The following ABCA13 variants were observed in gnomAD, a reference collection of about 807,000 sequenced individuals.
The protein encoded by ABCA13 is ATP-binding cassette sub-family A member 13.
In ABCA13, 476 loss-of-function variants were observed where a neutral mutation model predicts 478.7. The observed-to-expected ratio is 0.99, with a 90% CI of 0.92 to 1.07. ABCA13 has a LOEUF of 1.07. Ranked by LOEUF, ABCA13 falls within the 50% of genes least tolerant of loss-of-function variation. The pLI is 0.00. For synonymous variants in ABCA13, 2,252 were observed against 2,158.9 expected, an observed-to-expected ratio of 1.04 and a Z score of -1.20; for missense variants, 6,060 against 5,910.6, an observed-to-expected ratio of 1.03 and a Z score of -0.83.
At chr7:48,644,141 T>C (rs937460609) in intron 60 of ABCA13, among the ~76,000 whole-genome samples, 3 of 152,208 alleles carry the variant, frequency 2.0e-5, no homozygotes, top group East Asian at 3.9e-4. Flanking sequence ...ATTATGACTC[T>C]GAGTCACCCT....
chr7:48,524,080 G>C (rs550492605), intron 53 of ABCA13, among the ~76,000 whole-genome samples, 168 bp from the exon 54 acceptor site: 5 of 152,146 alleles, frequency 3.3e-5, no homozygotes, highest in Admixed American at 1.3e-4. Context: ...ATGGATTCTT[G>C]CCTGATAATC....
chr7:48,419,186 C>A (rs1820416105), intron 41 of ABCA13, among the ~76,000 whole-genome samples: 1 of 152,184 alleles, frequency 6.6e-6, no homozygotes, highest in Non-Finnish European at 1.5e-5. Context: ...TCCCACCAGG[C>A]CCTACCTTGG....
At chr7:48,523,776 G>A (rs1832713233) in intron 53 of ABCA13, among the ~76,000 whole-genome samples, 1 of 152,022 alleles carries the variant, frequency 6.6e-6, no homozygotes, top group South Asian at 2.1e-4. Context: ...TTTTTGCAAA[G>A]TATTGTGCAA....
rs1055866051 is a variant in ABCA13 at position 48,425,305 on chromosome 7, G to T, written c.12460-2461G>T. On this transcript the variant is annotated intron_variant, in intron 41 of 61. Coordinates refer to ENST00000435803, the MANE Select transcript of ABCA13 (RefSeq NM_152701.5). ...AGAAAAGGAAAATTTAAAAAGGACA[G>T]ATGAATATTGTTATCAATAATGCCT... is the stretch of plus-strand genomic sequence containing the variant. Among the ~76,000 whole-genome samples, 4 of 152,286 alleles carry T rather than the reference G, an allele frequency of 2.6e-5. No individual in the cohort carries two copies. In the East Asian group the frequency reaches 7.7e-4, roughly 29 times the overall value.
chr7:48,247,628 G>T (rs528581556), intron 13 of ABCA13, among the ~76,000 whole-genome samples: 1 of 152,236 alleles, frequency 6.6e-6, no homozygotes, highest in Admixed American at 6.5e-5. Flanking sequence ...TCAGATGGCC[G>T]TGAGGGCTGG....
At chr7:48,584,982 C>T (rs763222951) in intron 56 of ABCA13, among the ~76,000 whole-genome samples, 19 of 152,220 alleles carry the variant, frequency 1.2e-4, no homozygotes, top group Non-Finnish European at 2.1e-4. Flanking sequence ...CCTCCTTTTC[C>T]AGGAAGCCTC....
chr7:48,435,098 A>G (rs1332032833), intron 42 of ABCA13, among the ~76,000 whole-genome samples: 2 of 152,014 alleles, frequency 1.3e-5, no homozygotes, highest in Admixed American at 1.3e-4. Context: ...TTTGGGTGGT[A>G]TTGATATCTC....
intron 27 of ABCA13, among the ~76,000 whole-genome samples, chr7:48,319,249 G>T (rs1257651356): frequency 6.6e-6 from 1 of 152,164 alleles, no homozygotes; most frequent in Non-Finnish European, 1.5e-5. Context: ...ACTGGTTTTT[G>T]CTTAGCCCCT....
At chr7:48,537,893 G>C (rs1045527293) in intron 55 of ABCA13, among the ~76,000 whole-genome samples, 1 of 152,094 alleles carries the variant, frequency 6.6e-6, no homozygotes, top group Non-Finnish European at 1.5e-5. Context: ...ACTGAAACTA[G>C]GGGAAGGAGA....
chr7:48,256,757 T>A (rs1430347979), intron 15 of ABCA13, among the ~76,000 whole-genome samples: 1 of 152,212 alleles, frequency 6.6e-6, no homozygotes, highest in East Asian at 1.9e-4. Flanking sequence ...ATGTAATCCC[T>A]ACAGCATTGC....
rs766537256 is a variant in ABCA13, at chr7:48,279,736, CT to C, written c.8547del (p.Phe2849LeufsTer25). The C allele has an allele frequency of 6.2e-7, 1 of 1,613,072 alleles. No individual in the cohort carries two copies. Among genetic ancestry groups the C allele is most frequent in the Admixed American group, 1.7e-5 (1 of 59,914 alleles). ...ITSTRTLFQP[L>X]FEIFIKATTG... ...TTCCACAAGAACTTTGTTTCAGCCA[CT>C]TTTTGAGATTTTCATTAAAGCAACC... On this transcript the variant is annotated frameshift_variant, in exon 18 of 62. Coordinates refer to ENST00000435803, the MANE Select transcript of ABCA13 (RefSeq NM_152701.5). LOFTEE classifies it high-confidence loss of function.
intron 53 of ABCA13, among the ~76,000 whole-genome samples, chr7:48,524,038 G>A (rs1832729931): frequency 1.3e-5 from 2 of 152,182 alleles, no homozygotes; most frequent in South Asian, 4.1e-4. Flanking sequence ...TTTTAGGAAT[G>A]TATATATTTC....
At chr7:48,474,237 T>C (rs1202126385) in intron 45 of ABCA13, among the ~76,000 whole-genome samples, 1 of 151,998 alleles carries the variant, frequency 6.6e-6, no homozygotes, top group African/African-American at 2.4e-5. Flanking sequence ...CACAGAGTAA[T>C]TACCCCAAAC....
intron 3 of ABCA13, among the ~76,000 whole-genome samples, chr7:48,217,041 A>C (rs796097539): frequency 2.0e-5 from 3 of 152,342 alleles, no homozygotes; most frequent in African/African-American, 7.2e-5. Flanking sequence ...TGATTTCTCA[A>C]AGAACTAAGA....
chr7:48,227,111 G>T, intron 5 of ABCA13, 151 bp from the exon 6 acceptor site: 2 of 709,936 alleles, frequency 2.8e-6, no homozygotes, highest in Admixed American at 2.9e-5. Flanking sequence ...TCAGCAGATT[G>T]GCAAATCTGT....
Position 48,410,506 on chromosome 7 carries a change from G to T in ABCA13, c.12071-14G>T. 1 of 1,613,986 alleles carries T rather than the reference G, an allele frequency of 6.2e-7. No individual in the cohort carries two copies. The highest frequency in any genetic ancestry group is 2.2e-5 in the East Asian group (1 of 44,878). ...TGTCCTCCTGGTGCTGATGCACCCT[G>T]TGCTTGGACCCAGGTCGTACGATCA... On this transcript the variant is annotated splice_polypyrimidine_tract_variant and intron_variant, in intron 39 of 61. Transcript: ENST00000435803.
At chr7:48,256,607 G>A (rs1793427931) in intron 15 of ABCA13, among the ~76,000 whole-genome samples, 1 of 152,034 alleles carries the variant, frequency 6.6e-6, no homozygotes, top group African/African-American at 2.4e-5. Context: ...GATGGTTTTA[G>A]GTGTGTGGCC....
At chr7:48,325,111 A>T (rs1186158227) in intron 27 of ABCA13, among the ~76,000 whole-genome samples, 4 of 152,220 alleles carry the variant, frequency 2.6e-5, no homozygotes, top group Non-Finnish European at 5.9e-5. Context: ...TAACTTAGAC[A>T]TGCCTATCCA....
intron 31 of ABCA13, among the ~76,000 whole-genome samples, chr7:48,358,232 G>GAGGGGAGGGC (rs1810266240): frequency 1.9e-5 from 1 of 51,616 alleles, no homozygotes; most frequent in Non-Finnish European, 4.3e-5. Context: ...AAGGGGAGGG[G>GAGGGGAGGGC]AGGGGAGGGG....
Sources: allele counts gnomAD v4.1 joint callset (sites outside exome capture counted in the v4.1 genomes callset), GRCh38; gene constraint gnomAD v4.1.1; transcripts MANE v1.5; gene names NCBI Gene and HGNC (gene_info 2026-07-23, HGNC 2026-07-21).